The following PKIA variants were observed in gnomAD, a reference collection of about 807,000 sequenced individuals.
The protein encoded by PKIA is PKI-alpha.
A neutral mutation model predicts 7.6 loss-of-function variants in PKIA; 4 were observed. The observed-to-expected ratio is 0.52, with a 90% CI of 0.26 to 1.20. The LOEUF (loss-of-function observed/expected upper bound fraction) is 1.20, where lower values mean the gene tolerates loss of function less well. PKIA is among the 50% of genes most tolerant of loss of function. The pLI, the probability that PKIA is intolerant of heterozygous loss-of-function variation, is 0.13. For synonymous variants in PKIA, 21 were observed against 30.7 expected (o/e 0.68, Z 1.04); for missense variants, 73 against 86.2 (o/e 0.85, Z 0.61).
chr8:78,524,434 G>A (rs1809503742), intron 1 of PKIA, among the ~76,000 whole-genome samples: 1 of 151,348 alleles, frequency 6.6e-6, no homozygotes, highest in Admixed American at 6.6e-5. Flanking sequence ...GTAGTTCTTG[G>A]GGAAATGGCT....
intron 2 of PKIA, among the ~76,000 whole-genome samples, chr8:78,598,016 G>T (rs1808264447): frequency 6.7e-6 from 1 of 149,904 alleles, no homozygotes; most frequent in Admixed American, 6.7e-5. Flanking sequence ...AGTACAAATG[G>T]ACACAAATAT....
intron 1 of PKIA, among the ~76,000 whole-genome samples, chr8:78,546,341 C>T (rs1027007524): frequency 1.3e-5 from 2 of 151,904 alleles, no homozygotes; most frequent in Non-Finnish European, 2.9e-5. Context: ...AAGAGACAGA[C>T]GGTCAGTAAT....
intron 2 of PKIA, among the ~76,000 whole-genome samples, chr8:78,586,705 C>G (rs1015156336): frequency 3.9e-5 from 6 of 152,132 alleles, no homozygotes; most frequent in African/African-American, 1.4e-4. Context: ...ATGTAAACTA[C>G]TTACATATTT....
At chr8:78,540,537 G>A (rs1381327230) in intron 1 of PKIA, among the ~76,000 whole-genome samples, 3 of 151,940 alleles carry the variant, frequency 2.0e-5, no homozygotes, top group Non-Finnish European at 4.4e-5. Context: ...CTTCCTAAAA[G>A]GATTAAAATT....
intron 1 of PKIA, among the ~76,000 whole-genome samples, chr8:78,545,490 A>G (rs1237770581): frequency 6.6e-6 from 1 of 152,168 alleles, no homozygotes; most frequent in Non-Finnish European, 1.5e-5. Context: ...TTGCTGGAAA[A>G]TTGAGATAAA....
At chr8:78,585,100 T>C (rs1807916614) in intron 2 of PKIA, among the ~76,000 whole-genome samples, 1 of 152,032 alleles carries the variant, frequency 6.6e-6, no homozygotes, top group African/African-American at 2.4e-5. Flanking sequence ...TTTATCTTGT[T>C]ACCTTATAAA....
At chr8:78,600,860 C>A (rs903260514) in intron 3 of PKIA, among the ~76,000 whole-genome samples, 2 of 152,006 alleles carry the variant, frequency 1.3e-5, no homozygotes, top group African/African-American at 4.8e-5. Flanking sequence ...AAAGAATAGG[C>A]CATCCAACTT....
chr8:78,551,052 A>C (rs541126354), intron 1 of PKIA, among the ~76,000 whole-genome samples: 1 of 152,076 alleles, frequency 6.6e-6, no homozygotes, highest in South Asian at 2.1e-4. Flanking sequence ...GTGTGTTTGT[A>C]ATCTCAGGAT....
intron 1 of PKIA, among the ~76,000 whole-genome samples, chr8:78,537,486 A>G (rs1424110446): frequency 6.6e-6 from 1 of 151,746 alleles, no homozygotes; most frequent in Non-Finnish European, 1.5e-5. Context: ...AATCTACACC[A>G]CCTCCAGCAC....
At chr8:78,562,482 AG>A (rs2118521410) in intron 1 of PKIA, among the ~76,000 whole-genome samples, 1 of 152,352 alleles carries the variant, frequency 6.6e-6, no homozygotes, top group African/African-American at 2.4e-5. Context: ...TAAGACTTAT[AG>A]GCCTCAAGTG....
chr8:78,561,843 C>A (rs1807293272), intron 1 of PKIA, among the ~76,000 whole-genome samples: 1 of 152,176 alleles, frequency 6.6e-6, no homozygotes, highest in Non-Finnish European at 1.5e-5. Flanking sequence ...GCACGTTAAG[C>A]ATTGCACAGT....
intron 1 of PKIA, among the ~76,000 whole-genome samples, chr8:78,531,698 C>A (rs1179797375): frequency 6.6e-6 from 1 of 152,086 alleles, no homozygotes; most frequent in Non-Finnish European, 1.5e-5. Context: ...TGAGACTCCA[C>A]ACTCCACCCC....
chr8:78,578,823 C>G (rs1807737943), intron 2 of PKIA, among the ~76,000 whole-genome samples: 3 of 151,938 alleles, frequency 2.0e-5, no homozygotes, highest in African/African-American at 7.2e-5. Context: ...TTATTCTAGT[C>G]CCATTGCTTC....
intron 2 of PKIA, among the ~76,000 whole-genome samples, chr8:78,576,460 A>G (rs1315968290): frequency 6.6e-6 from 1 of 152,054 alleles, no homozygotes; most frequent in East Asian, 1.9e-4. Flanking sequence ...GAATAAATGT[A>G]AAAAGTTTTT....
At chr8:78,598,277 C>T in intron 2 of PKIA, 81 bp from the exon 3 acceptor site, 2 of 778,910 alleles carry the variant, frequency 2.6e-6, no homozygotes, top group Non-Finnish European at 4.0e-6. Context: ...AATTGTTTCA[C>T]ATTCATATAC....
At chr8:78,560,929 C>T (rs1324789212) in intron 1 of PKIA, among the ~76,000 whole-genome samples, 1 of 152,150 alleles carries the variant, frequency 6.6e-6, no homozygotes, top group Non-Finnish European at 1.5e-5. Context: ...AAAACCTAAA[C>T]TGATTTAATT....
rs756532119 is a variant in PKIA at position 78,601,741 on chromosome 8, G to C, written c.152-1G>C. 6.2e-7 allele frequency: 1 copy of C among 1,610,056 alleles called. No individual in the cohort carries two copies. Among genetic ancestry groups the C allele is most frequent in the Non-Finnish European group, 8.5e-7 (1 of 1,177,494 alleles). ...ATTCTGTTTTCGTTTTTCTTTTGCA[G>C]AAGGTGAAGAAGATGCACAACGAAG... On this transcript the variant is annotated splice_acceptor_variant, in intron 3 of 3. Coordinates refer to ENST00000396418, the MANE Select transcript of PKIA (RefSeq NM_006823.4). LOFTEE classifies it high-confidence loss of function.
intron 2 of PKIA, among the ~76,000 whole-genome samples, chr8:78,593,145 C>G (rs768484661): frequency 3.3e-5 from 5 of 152,082 alleles, no homozygotes; most frequent in Non-Finnish European, 7.4e-5. Flanking sequence ...TTGTTTGACA[C>G]GGAGTCTTGC....
chr8:78,552,329 T>TAAA (rs34033112), intron 1 of PKIA, among the ~76,000 whole-genome samples: 54 of 137,220 alleles, frequency 3.9e-4, no homozygotes, highest in Admixed American at 3.2e-3. Context: ...ACCATTTTCT[T>TAAA]AAAAAAAAAA....
Sources: allele counts gnomAD v4.1 joint callset (sites outside exome capture counted in the v4.1 genomes callset), GRCh38; gene constraint gnomAD v4.1.1; transcripts MANE v1.5; gene names NCBI Gene and HGNC (gene_info 2026-07-23, HGNC 2026-07-21).